Variants in GNAL observed in about 807,000 individuals in gnomAD.
The protein encoded by GNAL is guanine nucleotide-binding protein G(olf) subunit alpha.
GNAL carries 18 observed loss-of-function variants against 55.1 expected under a neutral mutation model. The observed-to-expected ratio is 0.33, with a 90% CI of 0.23 to 0.48. GNAL has a LOEUF of 0.48. GNAL is among the 20% of genes least tolerant of loss of function. The probability of loss-of-function intolerance (pLI) is 0.99; values close to 1 mark genes in which losing one functional copy is unlikely to be tolerated. For missense variants in GNAL, 412 were observed against 614.1 expected (o/e 0.67, Z 3.48); for synonymous variants, 253 against 237.0 (o/e 1.07, Z -0.62).
chr18:11,753,245 G>A (rs2032921856), intron 2 of GNAL, among the ~76,000 whole-genome samples: 2 of 152,030 alleles, frequency 1.3e-5, no homozygotes. Context: ...TTATTTGTTT[G>A]CATCTATTTC....
Position 11,881,296 on chromosome 18 carries a change from G to C in GNAL, c.*161G>C, listed in dbSNP as rs2036685079. The C allele has an allele frequency of 9.4e-6, 6 of 638,502 alleles. No homozygotes were observed. The highest frequency in any genetic ancestry group is 1.6e-5 in the Non-Finnish European group (6 of 385,786). The allele number at this position is 638,502 out of a possible 1,614,324, so 39.6% of individuals were successfully genotyped here. Reference sequence around the variant, plus strand: ...GGCTACCTCTGTCCCCTCAGGTTTGGTTGTGTAGCTTCTGTTGTCATTGAA... The same window carrying C: ...GGCTACCTCTGTCCCCTCAGGTTTGCTTGTGTAGCTTCTGTTGTCATTGAA... On this transcript the variant is annotated 3_prime_UTR_variant, in exon 12 of 12. Coordinates refer to ENST00000334049, the MANE Select transcript of GNAL (RefSeq NM_182978.4). The surrounding 1 kb of genome is among the most constrained non-coding windows in gnomAD (Gnocchi z 4.8).
chr18:11,851,470 C>G (rs963265142), intron 5 of GNAL: 9 of 1,488,086 alleles, frequency 6.0e-6, no homozygotes, highest in Non-Finnish European at 8.0e-6. Context: ...GCCTTCGGCG[C>G]GCTTCTCAGC....
Position 11,824,971 on chromosome 18 carries a change from C to T in GNAL, c.678C>T (p.Cys226=). ...KLWDDEGVKA[C]FERSNEYQLI... ...GGGACGATGAAGGCGTGAAGGCATG[C>T]TTTGAGAGATCCAACGAATACCAGC... The change falls in exon 5 of 12, where the codon TGC becomes TGT. Residue 226 remains cysteine, a synonymous_variant. Transcript: ENST00000334049. 6.2e-7 allele frequency: 1 copy of T among 1,607,632 alleles called. No homozygotes were observed. The highest frequency in any genetic ancestry group is 8.5e-7 in the Non-Finnish European group (1 of 1,175,114).
intron 1 of GNAL, among the ~76,000 whole-genome samples, chr18:11,733,081 T>G (rs927756017): frequency 3.4e-4 from 51 of 149,440 alleles, no homozygotes; most frequent in African/African-American, 9.9e-4. Context: ...CCTGGACATG[T>G]GAAGAGAAGA....
intron 4 of GNAL, among the ~76,000 whole-genome samples, chr18:11,795,778 C>T (rs1357944207): frequency 1.3e-5 from 2 of 152,202 alleles, no homozygotes; most frequent in African/African-American, 4.8e-5. Flanking sequence ...CCAGAGGTCC[C>T]TTGGCTGAGA....
At chr18:11,863,395 C>G (rs2036191678) in intron 6 of GNAL, among the ~76,000 whole-genome samples, 3 of 152,224 alleles carry the variant, frequency 2.0e-5, no homozygotes, top group African/African-American at 7.2e-5. Flanking sequence ...GGCCTTGGCC[C>G]TGGGCCCCCA....
intron 9 of GNAL, among the ~76,000 whole-genome samples, chr18:11,869,166 T>C (rs1192365975): frequency 1.3e-5 from 2 of 152,048 alleles, no homozygotes; most frequent in African/African-American, 2.4e-5. Context: ...TATTTTGAGA[T>C]AGAGTCTCGC....
chr18:11,775,012 T>C (rs1388838368), intron 4 of GNAL, among the ~76,000 whole-genome samples: 2 of 152,314 alleles, frequency 1.3e-5, no homozygotes, highest in Admixed American at 6.5e-5. Context: ...CAGCACCTCT[T>C]CCTGCGGCAG....
chr18:11,826,285 C>CACTAAGCAT (rs2035243043), intron 5 of GNAL, among the ~76,000 whole-genome samples: 1 of 12,466 alleles, frequency 8.0e-5, no homozygotes, highest in African/African-American at 1.4e-4. Context: ...GGAGGAGGAG[C>CACTAAGCAT]GGGGAGGGGG....
chr18:11,698,254 A>G (rs2031468512), intron 1 of GNAL, among the ~76,000 whole-genome samples: 1 of 152,072 alleles, frequency 6.6e-6, no homozygotes, highest in African/African-American at 2.4e-5. Flanking sequence ...GCACTTTGGG[A>G]GGCCGAGGCG....
intron 5 of GNAL, among the ~76,000 whole-genome samples, chr18:11,841,684 G>T (rs2035618513): frequency 1.3e-5 from 2 of 151,524 alleles, no homozygotes; most frequent in South Asian, 4.2e-4. Context: ...AGAAATACCT[G>T]CTAGAATTCC....
In GNAL at chr18:11,755,276, CGTTT is replaced by C. The variant is rs201705932; in HGVS notation, c.624+1348_624+1351del. On this transcript the variant is annotated intron_variant, in intron 4 of 11. Coordinates refer to ENST00000334049, the MANE Select transcript of GNAL (RefSeq NM_182978.4). ...GCTAATAAGAATGACTTTGTTTCTT[CGTTT>C]GTTTGTTTGTTTGTTTTGAGATGGA... Among the ~76,000 whole-genome samples, 17 of 151,706 alleles carry C rather than the reference CGTTT, an allele frequency of 1.1e-4. 1 individual carries two copies. Among genetic ancestry groups the C allele is most frequent in the South Asian group, 4.2e-4 (2 of 4,802 alleles).
chr18:11,698,058 G>A (rs977107201), intron 1 of GNAL, among the ~76,000 whole-genome samples: 1 of 152,154 alleles, frequency 6.6e-6, no homozygotes, highest in African/African-American at 2.4e-5. Flanking sequence ...CCCAGGATAG[G>A]AGGCCGTGGG....
Position 11,689,707 on chromosome 18 carries a change from G to T in GNAL, c.144G>T (p.Thr48=). 1.3e-6 allele frequency: 2 copies of T among 1,488,098 alleles called. No homozygotes were observed. 92.2% of individuals were successfully genotyped at this position (1,488,098 alleles called of 1,614,324 possible). The change falls in exon 1 of 12, where the codon ACG becomes ACT. Residue 48 remains threonine, a synonymous_variant. Transcript: ENST00000334049. ...CAGTCCGGGCGGCCGCAAGGGACAC[G>T]GCCCGGACCCTGCTCCCTCGGGGCG... ...LAPVRAAARD[T]ARTLLPRGGE...
chr18:11,756,453 G>GT (rs2033059017), intron 4 of GNAL, among the ~76,000 whole-genome samples: 1 of 151,922 alleles, frequency 6.6e-6, no homozygotes, highest in Non-Finnish European at 1.5e-5. Context: ...TTTTACTGGT[G>GT]TTTTTTAAGC....
At chr18:11,835,645 AAAAT>A (rs929076805) in intron 5 of GNAL, among the ~76,000 whole-genome samples, 8 of 152,228 alleles carry the variant, frequency 5.3e-5, no homozygotes, top group Non-Finnish European at 8.8e-5. Context: ...AGCTTACAGA[AAAAT>A]AAATTACATA....
chr18:11,746,846 G>T, intron 1 of GNAL: 2 of 525,428 alleles, frequency 3.8e-6, no homozygotes, highest in South Asian at 2.9e-5. Flanking sequence ...TATTGGAAGT[G>T]AACATCATGA....
intron 5 of GNAL, among the ~76,000 whole-genome samples, chr18:11,856,010 T>C (rs2143808656): frequency 6.6e-6 from 1 of 150,456 alleles, no homozygotes; most frequent in South Asian, 2.1e-4. Context: ...ACCAGTCTGA[T>C]AAGAGAACCT....
chr18:11,852,588 G>C (rs974087229), intron 5 of GNAL: 1 of 157,014 alleles, frequency 6.4e-6, no homozygotes, highest in South Asian at 2.2e-4. Context: ...TGCTATTTCT[G>C]TTTATCCTTT....
Sources: gnomAD v4.1 joint callset for allele counts (sites outside exome capture counted in the v4.1 genomes callset) on GRCh38, gnomAD v4.1.1 for gene constraint, Gnocchi (gnomAD v3.1) non-coding constraint, MANE v1.5 for transcripts, NCBI Gene and HGNC (gene_info 2026-07-23, HGNC 2026-07-21) for gene names.